Variants in MACF1 observed in about 807,000 individuals in gnomAD.
MACF1 encodes the protein microtubule-actin cross-linking factor 1.
In MACF1, 193 loss-of-function variants were observed where a neutral mutation model predicts 854.8. That is an observed-to-expected ratio of 0.23 (90% confidence interval 0.20 to 0.25). MACF1 has a LOEUF of 0.25. Ranked by LOEUF, MACF1 falls within the 10% of genes least tolerant of loss-of-function variation. The pLI is 1.00. For missense variants in MACF1, 7,722 were observed against 8,929.1 expected (o/e 0.86, Z 5.45); for synonymous variants, 3,185 against 3,226.7 (o/e 0.99, Z 0.44).
At chr1:39,218,008 C>A (rs1352222456) in intron 1 of MACF1, among the ~76,000 whole-genome samples, 7 of 151,676 alleles carry the variant, frequency 4.6e-5, no homozygotes, top group Non-Finnish European at 8.8e-5. Context: ...ACGGTGAAAC[C>A]CTGTCTGTAC....
At chr1:39,247,620 T>C (rs752530970) in intron 2 of MACF1, among the ~76,000 whole-genome samples, 1 of 152,234 alleles carries the variant, frequency 6.6e-6, no homozygotes, top group African/African-American at 2.4e-5. Flanking sequence ...ATTGGTTGTA[T>C]TGGGAATATT....
rs184439832 is a variant in MACF1 at position 39,464,837 on chromosome 1, G to A, written c.21754-258G>A. The A allele has an allele frequency of 6.4e-5, 26 of 406,470 alleles. No individual in the cohort carries two copies. In the Admixed American group the frequency reaches 6.8e-4, roughly 11 times the overall value. The allele number at this position is 406,470 out of a possible 1,614,324, so 25.2% of individuals were successfully genotyped here. A position where few individuals can be genotyped will look rare whatever the true frequency, so the allele number is the denominator to read the frequency against. On this transcript the variant is annotated intron_variant, in intron 94 of 100. Transcript: ENST00000564288. ...GCTGAGGCAGGAGAATTGCTTGAAC[G>A]CCGGGGTCGGAGGTTGCAGTGAGCC...
Position 39,451,117 on chromosome 1 carries a change from T to C in MACF1, c.20324T>C (p.Val6775Ala). 6.2e-7 allele frequency: 1 copy of C among 1,614,210 alleles called. No individual in the cohort carries two copies. Among genetic ancestry groups the C allele is most frequent in the Non-Finnish European group, 8.5e-7 (1 of 1,180,032 alleles). ...TTCATGGATGCTTTGCAGGCATTGG[T>C]TGACTGGTTATACAAGGTGGAGCCA... ...GQFMDALQAL[V>A]DWLYKVEPQL... The change falls in exon 85 of 101, where the codon GTT (valine) becomes GCT (alanine). Residue 6775 changes from valine to alanine, a missense_variant. By Grantham distance (64) the Val-to-Ala change is moderately conservative. Transcript: ENST00000564288.
chr1:39,185,520 T>G (rs1479024422), intron 2 of MACF1, among the ~76,000 whole-genome samples: 6 of 151,952 alleles, frequency 3.9e-5, no homozygotes, highest in African/African-American at 1.5e-4. Flanking sequence ...AAAAATTTTT[T>G]TTTTAAATAA....
chr1:39,458,903 G>T, intron 90 of MACF1, 183 bp from the exon 91 acceptor site: 1 of 596,652 alleles, frequency 1.7e-6, no homozygotes. Flanking sequence ...GTAAGTATGT[G>T]CTGGGAGGAT....
chr1:39,232,515 CATGATGGT>C (rs1259354405), intron 2 of MACF1, among the ~76,000 whole-genome samples: 2 of 152,098 alleles, frequency 1.3e-5, no homozygotes, highest in African/African-American at 2.4e-5. Flanking sequence ...CTGACTCTTC[CATGATGGT>C]GTTCCCCAGG....
intron 2 of MACF1, among the ~76,000 whole-genome samples, chr1:39,092,300 G>A (rs1158418139): frequency 2.0e-5 from 3 of 152,150 alleles, no homozygotes; most frequent in African/African-American, 7.2e-5. Flanking sequence ...GTGAACTCTG[G>A]ACTCAGTTTA....
chr1:39,119,209 T>G (rs370827591), intron 2 of MACF1, among the ~76,000 whole-genome samples: 4 of 148,594 alleles, frequency 2.7e-5, no homozygotes, highest in African/African-American at 1.0e-4. Context: ...CCCAGCTACT[T>G]GGGAGGCTGA....
intron 2 of MACF1, among the ~76,000 whole-genome samples, chr1:39,144,638 C>T (rs115748587): frequency 0.026 from 3,460 of 135,410 alleles, 78 homozygotes; most frequent in East Asian, 0.14. Context: ...TGGAAATCAG[C>T]GTGGCATCAA....
intron 58 of MACF1, among the ~76,000 whole-genome samples, chr1:39,419,601 A>T (rs1260456986): frequency 1.3e-5 from 2 of 152,238 alleles, no homozygotes; most frequent in East Asian, 3.9e-4. Flanking sequence ...TATGAAAGAG[A>T]TTATTGAACT....
Position 39,328,123 on chromosome 1 carries a change from G to A in MACF1, c.4614+770G>A, listed in dbSNP as rs193147603. On this transcript the variant is annotated intron_variant, in intron 36 of 100. Coordinates refer to ENST00000564288, the MANE Select transcript of MACF1 (RefSeq NM_001394062.1). Reference sequence around the variant, plus strand: ...CAGATGATGCTCAAAATGATATTCAGACAAAGCATGTCTTGATTCTGATCC... The same window carrying A: ...CAGATGATGCTCAAAATGATATTCAAACAAAGCATGTCTTGATTCTGATCC... Among the ~76,000 whole-genome samples, 200 of 152,304 alleles carry A rather than the reference G, an allele frequency of 1.3e-3. 1 individual carries two copies. The highest frequency in any genetic ancestry group is 2.5e-3 in the Non-Finnish European group (172 of 68,034).
chr1:39,306,158 CTT>C (rs544782936), intron 23 of MACF1, among the ~76,000 whole-genome samples: 22 of 142,500 alleles, frequency 1.5e-4, no homozygotes, highest in Admixed American at 2.1e-4. Flanking sequence ...ACTTTCTTTA[CTT>C]TTTTTTTTTT....
In MACF1 at chr1:39,333,789, A is replaced by G; in HGVS notation, c.7201A>G (p.Ile2401Val). Residue 2401 changes from isoleucine (I) to valine (V), a missense_variant, in exon 37 of 101, where the codon ATT (isoleucine) becomes GTT (valine). Coordinates refer to ENST00000564288, the MANE Select transcript of MACF1 (RefSeq NM_001394062.1). ...GLLDKETATR[I>V]LERQVVTGGI... is the part of the protein sequence containing the mutation. The stretch of plus-strand genomic sequence containing the variant: ...TCTTGACAAGGAAACAGCCACCAGA[A>G]TTTTAGAGAGGCAGGTGGTGACTGG... The G allele has an allele frequency of 1.9e-6, 3 of 1,614,210 alleles. No individual in the cohort carries two copies. The highest frequency in any genetic ancestry group is 2.5e-6 in the Non-Finnish European group (3 of 1,180,010).
intron 2 of MACF1, among the ~76,000 whole-genome samples, chr1:39,143,455 T>A (rs996656649): frequency 6.6e-6 from 1 of 152,192 alleles, no homozygotes; most frequent in African/African-American, 2.4e-5. Context: ...CTGTAGAGAA[T>A]GAGCAAGTGG....
chr1:39,163,018 T>C (rs1316615535), intron 2 of MACF1, among the ~76,000 whole-genome samples: 1 of 152,172 alleles, frequency 6.6e-6, no homozygotes, highest in Non-Finnish European at 1.5e-5. Context: ...GCATGCTTTT[T>C]GTGGGTTTTC....
rs1648141004 is a variant in MACF1, at chr1:39,361,015, C to G, written c.12453+14C>G. Reference sequence around the variant, plus strand: ...GCCACAAATATGGTAAGATCTGTGTCCCAAGAGCTAGCATAGAGGGTATGT... The same window carrying G: ...GCCACAAATATGGTAAGATCTGTGTGCCAAGAGCTAGCATAGAGGGTATGT... On this transcript the variant is annotated intron_variant, in intron 48 of 100. Coordinates refer to ENST00000564288, the MANE Select transcript of MACF1 (RefSeq NM_001394062.1). 3 of 1,609,072 alleles carry G rather than the reference C, an allele frequency of 1.9e-6. No homozygotes were observed. Among genetic ancestry groups the G allele is most frequent in the Non-Finnish European group, 2.6e-6 (3 of 1,175,616 alleles).
intron 2 of MACF1, among the ~76,000 whole-genome samples, chr1:39,097,250 GA>G (rs983746050): frequency 1.3e-5 from 2 of 152,136 alleles, no homozygotes; most frequent in African/African-American, 4.8e-5. Context: ...TTGCTTGGCT[GA>G]TCCTCTGGTC....
At chr1:39,357,256 A>G in intron 44 of MACF1, 119 bp from the exon 45 acceptor site, 1 of 1,148,324 alleles carries the variant, frequency 8.7e-7, no homozygotes, top group Non-Finnish European at 1.2e-6. Flanking sequence ...GTGGGTGAAA[A>G]GACCAAGGCT....
chr1:39,326,504 AACCCAGTTTGTACTAAAATT>A (rs1251499279), intron 35 of MACF1, among the ~76,000 whole-genome samples: 2 of 152,042 alleles, frequency 1.3e-5, no homozygotes, highest in Non-Finnish European at 2.9e-5. Flanking sequence ...AGCATGGTGA[AACCCAGTTTGTACTAAAATT>A]ACAAAAATTA....
Sources: gnomAD v4.1 joint callset for allele counts (sites outside exome capture counted in the v4.1 genomes callset) on GRCh38, gnomAD v4.1.1 for gene constraint, MANE v1.5 for transcripts, NCBI Gene and HGNC (gene_info 2026-07-23, HGNC 2026-07-21) for gene names.